PHC2: variants seen among roughly 807,000 people sequenced by gnomAD.
The protein encoded by PHC2 is polyhomeotic homolog 2.
PHC2 carries 29 observed loss-of-function variants against 87.4 expected under a neutral mutation model. The ratio of observed to expected loss-of-function variants is 0.33; its 90% CI spans 0.25 to 0.45. The LOEUF (loss-of-function observed/expected upper bound fraction) is 0.45, where lower values mean the gene tolerates loss of function less well. PHC2 is among the 20% of genes least tolerant of loss of function. The pLI, the probability that PHC2 is intolerant of heterozygous loss-of-function variation, is 1.00. For missense variants in PHC2, 857 were observed against 1,136.7 expected (o/e 0.75, Z 3.54); for synonymous variants, 438 against 461.7 (o/e 0.95, Z 0.66).
rs1648128269 is a variant in PHC2, at chr1:33,375,503, T to C, written c.37A>G (p.Ser13Gly). The change falls in exon 2 of 15, where the codon AGT becomes GGT. Residue 13 changes from serine (S) to glycine (G), a missense_variant. Ser to Gly is a moderately conservative substitution (Grantham distance 56, BLOSUM62 0). Coordinates refer to ENST00000683057, the MANE Select transcript of PHC2 (RefSeq NM_001385109.1). ...CTGGTACTGCTGGTGGCACAGGCAC[T>C]GCTAGATGTATGTGGGACTGGCAGC... ...NELPVPHTSS[S>G]ACATSSTSGA... 1.9e-6 allele frequency: 3 copies of C among 1,606,870 alleles called. No homozygotes were observed. Among genetic ancestry groups the C allele is most frequent in the African/African-American group, 1.3e-5 (1 of 74,618 alleles).
At chr1:33,371,519 T>C (rs1325523973) in intron 3 of PHC2, among the ~76,000 whole-genome samples, 2 of 150,864 alleles carry the variant, frequency 1.3e-5, no homozygotes, top group Admixed American at 1.3e-4. Context: ...GCCATCACAC[T>C]TGGCCACTGC....
rs113930976 is a variant in PHC2, at chr1:33,401,833, C to A, written c.-54-26240G>T. Among the ~76,000 whole-genome samples the A allele has an allele frequency of 8.6e-4, 131 of 152,168 alleles. 4 individuals carry two copies. The highest frequency in any genetic ancestry group is 2.4e-3 in the African/African-American group (101 of 41,496). On this transcript the variant is annotated intron_variant, in intron 1 of 14. Transcript: ENST00000683057. ...ATAGAAAAATGAAATTGATCTCCCA[C>A]CTCACAGCAAACCTCCCAAGTTAAA... is the stretch of plus-strand genomic sequence containing the variant.
At chr1:33,423,683 C>A (rs1650545931) in intron 1 of PHC2, among the ~76,000 whole-genome samples, 1 of 152,176 alleles carries the variant, frequency 6.6e-6, no homozygotes, top group Non-Finnish European at 1.5e-5. Context: ...TTACCCTATA[C>A]TAAAAAAATT....
chr1:33,372,412 C>A lies in PHC2; in HGVS notation c.210G>T (p.Thr70=), dbSNP rs372151966. ...ACATCTGCTGCAGGTACTGAGCGGC[C>A]GTGCTGGGCTGTCTGTGCAGGGCCT... The part of the protein sequence containing the change: ...IQQALHRQPS[T]AAQYLQQMYA... The change falls in exon 3 of 15, where the codon ACG becomes ACT. Residue 70 remains threonine, a synonymous_variant. Transcript: ENST00000683057. The A allele has an allele frequency of 1.3e-6, 2 of 1,598,408 alleles. No homozygotes were observed. The highest frequency in any genetic ancestry group is 1.3e-5 in the African/African-American group (1 of 74,502).
At chr1:33,400,031 TAA>T (rs547094515) in intron 1 of PHC2, among the ~76,000 whole-genome samples, 3 of 144,400 alleles carry the variant, frequency 2.1e-5, no homozygotes, top group African/African-American at 7.6e-5. Flanking sequence ...TTATTATTTG[TAA>T]AAAAAAAAAG....
intron 1 of PHC2, among the ~76,000 whole-genome samples, chr1:33,398,402 A>G (rs991517886): frequency 2.7e-4 from 41 of 152,370 alleles, no homozygotes; most frequent in African/African-American, 9.6e-4. Context: ...TGTAATATGC[A>G]TAATATAATC....
rs1647688926 is a variant in PHC2, at chr1:33,369,461, A to G, written c.577-839T>C. On this transcript the variant is annotated intron_variant, in intron 5 of 14. Transcript: ENST00000683057. The surrounding 1 kb of genome is among the most constrained non-coding windows in gnomAD (Gnocchi z 4.7). The stretch of plus-strand genomic sequence containing the variant: ...GGACAAGCAACCTGCAGACACAGTC[A>G]GCTTTGGGCAGCAGCATCACAGTGT... Among the ~76,000 whole-genome samples the G allele has an allele frequency of 1.3e-5, 2 of 152,332 alleles. No homozygotes were observed. Among genetic ancestry groups the G allele is most frequent in the African/African-American group, 4.8e-5 (2 of 41,574 alleles).
chr1:33,400,581 A>G (rs748873483), intron 1 of PHC2, among the ~76,000 whole-genome samples: 113 of 152,342 alleles, frequency 7.4e-4, no homozygotes, highest in Non-Finnish European at 1.4e-3. Context: ...GAGGAAAATG[A>G]GACTCACAGA....
chr1:33,429,956 C>G (rs559038102), intron 1 of PHC2, among the ~76,000 whole-genome samples: 1 of 152,322 alleles, frequency 6.6e-6, no homozygotes, highest in East Asian at 1.9e-4. Context: ...TTTTACCCCA[C>G]ACTTCCAAGA....
chr1:33,343,929 C>T (rs772765245), intron 9 of PHC2, among the ~76,000 whole-genome samples: 1 of 152,164 alleles, frequency 6.6e-6, no homozygotes, highest in Non-Finnish European at 1.5e-5. Flanking sequence ...AGCAAAGTCT[C>T]AAGTCACCTT....
At chr1:33,376,047 T>G (rs927402141) in intron 1 of PHC2, among the ~76,000 whole-genome samples, 3 of 151,916 alleles carry the variant, frequency 2.0e-5, no homozygotes, top group African/African-American at 7.3e-5. Context: ...AGGTCTCTGT[T>G]TTTTGAGACT....
intron 9 of PHC2, among the ~76,000 whole-genome samples, chr1:33,350,961 C>A (rs1646960688): frequency 6.6e-6 from 1 of 152,180 alleles, no homozygotes. Flanking sequence ...CACTTTCCTG[C>A]CTCCCTCTCT....
chr1:33,399,665 T>C (rs1372412582), intron 1 of PHC2, among the ~76,000 whole-genome samples: 1 of 152,122 alleles, frequency 6.6e-6, no homozygotes, highest in African/African-American at 2.4e-5. Context: ...TTGAAATTTC[T>C]ATAGTAAGGC....
chr1:33,375,917 G>A (rs1301743046), intron 1 of PHC2, among the ~76,000 whole-genome samples: 1 of 152,190 alleles, frequency 6.6e-6, no homozygotes, highest in Non-Finnish European at 1.5e-5. Context: ...AGGGACTTGA[G>A]CTTCCATGAA....
Position 33,356,251 on chromosome 1 carries a change from A to ATATATATATATATATATATG in PHC2, c.977-999_977-998insCATATATATATATATATATA, listed in dbSNP as rs1557830875. ...CTGACTCTTTGAGGTGAAAATTCTT[A>ATATATATATATATATATATG]TATATATATATATATATATATATAT... On this transcript the variant is annotated intron_variant, in intron 7 of 14. Coordinates refer to ENST00000683057, the MANE Select transcript of PHC2 (RefSeq NM_001385109.1). Among the ~76,000 whole-genome samples the ATATATATATATATATATATG allele has an allele frequency of 6.0e-4, 24 of 39,798 alleles. No homozygotes were observed. In the South Asian group the frequency reaches 6.5e-3, roughly 11 times the overall value. 26.1% of individuals were successfully genotyped at this position (39,798 alleles called of 152,430 possible).
At chr1:33,333,034 C>T (rs959384618) in intron 10 of PHC2, among the ~76,000 whole-genome samples, 1 of 152,110 alleles carries the variant, frequency 6.6e-6, no homozygotes, top group Non-Finnish European at 1.5e-5. Flanking sequence ...GACTCTAGGG[C>T]AATGCTGGGG....
chr1:33,363,863 A>G (rs1409160868), intron 7 of PHC2: 3 of 985,306 alleles, frequency 3.0e-6, no homozygotes, highest in South Asian at 9.4e-5. Context: ...GCCAGGCCCA[A>G]GGGACCCCTG....
At chr1:33,425,020 G>A (rs1650611319) in intron 1 of PHC2, among the ~76,000 whole-genome samples, 1 of 152,240 alleles carries the variant, frequency 6.6e-6, no homozygotes. Flanking sequence ...CTAGGGCATG[G>A]TGTCGGGAAA....
At chr1:33,405,240 G>C (rs1649708356) in intron 1 of PHC2, among the ~76,000 whole-genome samples, 1 of 151,400 alleles carries the variant, frequency 6.6e-6, no homozygotes, top group African/African-American at 2.4e-5. Context: ...GCCCAGGCTG[G>C]AATGCAGTGG....
Sources: gnomAD v4.1 joint callset for allele counts (sites outside exome capture counted in the v4.1 genomes callset) on GRCh38, gnomAD v4.1.1 for gene constraint, Gnocchi (gnomAD v3.1) non-coding constraint, MANE v1.5 for transcripts, NCBI Gene and HGNC (gene_info 2026-07-23, HGNC 2026-07-21) for gene names.